Variants in ALK observed in about 807,000 individuals in gnomAD.
ALK encodes the protein ALK tyrosine kinase receptor.
In ALK, 74 loss-of-function variants were observed where a neutral mutation model predicts 163.1. That is an observed-to-expected ratio of 0.45 (90% CI 0.38 to 0.55). ALK has a LOEUF of 0.55. Among genes scored for constraint, ALK ranks in the 20% least tolerant of loss-of-function variants. The pLI is 0.00. For missense variants in ALK, 2,063 were observed against 2,105.3 expected, an observed-to-expected ratio of 0.98 and a Z score of 0.39; for synonymous variants, 960 against 843.2, an observed-to-expected ratio of 1.14 and a Z score of -2.40.
intron 1 of ALK, among the ~76,000 whole-genome samples, chr2:29,877,556 T>C (rs1166131548): frequency 6.6e-6 from 1 of 152,206 alleles, no homozygotes; most frequent in African/African-American, 2.4e-5. Flanking sequence ...GCCTATCACA[T>C]AGTAGGTATT....
intron 5 of ALK, among the ~76,000 whole-genome samples, chr2:29,357,265 G>C (rs951625222): frequency 2.0e-5 from 3 of 152,180 alleles, no homozygotes; most frequent in Admixed American, 2.0e-4. Flanking sequence ...TGACAATGCA[G>C]ACACTAGTTA....
At chr2:29,443,701 C>G (rs965014617) in intron 4 of ALK, among the ~76,000 whole-genome samples, 2 of 152,148 alleles carry the variant, frequency 1.3e-5, no homozygotes, top group African/African-American at 4.8e-5. Context: ...GCTCACTCAC[C>G]CTTTCACAGG....
intron 3 of ALK, among the ~76,000 whole-genome samples, chr2:29,677,879 T>A (rs1677932529): frequency 1.3e-5 from 2 of 152,098 alleles, no homozygotes; most frequent in African/African-American, 4.8e-5. Context: ...TCTGCAAGTA[T>A]TTGGTAGAAT....
intron 4 of ALK, among the ~76,000 whole-genome samples, chr2:29,488,658 T>C (rs1671834350): frequency 6.6e-6 from 1 of 152,180 alleles, no homozygotes; most frequent in African/African-American, 2.4e-5. Context: ...ATGATCTTCA[T>C]CTCTTATTTA....
At chr2:29,275,329 G>C in intron 10 of ALK, 73 bp downstream of exon 10, 1 of 1,608,528 alleles carries the variant, frequency 6.2e-7, no homozygotes, top group Non-Finnish European at 8.5e-7. Context: ...TCAGGCTTAG[G>C]CTGAGGAGGG....
chr2:29,512,106 G>C (rs1672537269), intron 4 of ALK, among the ~76,000 whole-genome samples: 1 of 151,986 alleles, frequency 6.6e-6, no homozygotes, highest in Admixed American at 6.6e-5. Flanking sequence ...TATGCTTTTT[G>C]TATGCTATCT....
rs755771843 is a variant in ALK, at chr2:29,209,757, C to T, written c.3836+29G>A. ...GAGGGGCTGAGGTGGAAGAGACAGG[C>T]CCGGAGGGGTGAGGCAGTCTTTACT... On this transcript the variant is annotated intron_variant, in intron 25 of 28. Transcript: ENST00000389048. 23 of 1,563,498 alleles carry T rather than the reference C, an allele frequency of 1.5e-5. No individual in the cohort carries two copies. In the South Asian group the frequency reaches 2.4e-4, roughly 17 times the overall value.
At chr2:29,851,406 C>A (rs7594627) in intron 1 of ALK, among the ~76,000 whole-genome samples, 41,033 of 152,102 alleles carry the variant, frequency 0.27, 6,301 homozygotes, top group East Asian at 0.53. Context: ...CTGTCTCTTG[C>A]GCCAAGACCT....
chr2:29,880,936 G>C (rs1019799928), intron 1 of ALK, among the ~76,000 whole-genome samples: 14 of 152,282 alleles, frequency 9.2e-5, no homozygotes, highest in African/African-American at 3.4e-4. Context: ...TTTCCTTCCA[G>C]AGTTAACTTT....
chr2:29,676,936 G>C (rs930336525), intron 3 of ALK, among the ~76,000 whole-genome samples: 13 of 151,848 alleles, frequency 8.6e-5, no homozygotes, highest in Non-Finnish European at 1.6e-4. Flanking sequence ...GGAAATTGTT[G>C]TTAGAACATA....
At chr2:29,887,105 T>A (rs577215911) in intron 1 of ALK, among the ~76,000 whole-genome samples, 121 of 152,328 alleles carry the variant, frequency 7.9e-4, no homozygotes, top group Admixed American at 1.4e-3. Context: ...CCCCAAAATT[T>A]AGTGGTTTAA....
At chr2:29,766,337 T>G (rs4666270) in intron 1 of ALK, among the ~76,000 whole-genome samples, 29,206 of 152,090 alleles carry the variant, frequency 0.19, 3,055 homozygotes, top group East Asian at 0.38. Flanking sequence ...CTTAGGATCT[T>G]CCAGTCCTAC....
intron 9 of ALK, among the ~76,000 whole-genome samples, chr2:29,296,512 G>T (rs1457184837): frequency 1.3e-5 from 2 of 152,234 alleles, no homozygotes; most frequent in African/African-American, 4.8e-5. Flanking sequence ...AGTGGGGAAA[G>T]TAAGGCAAAG....
intron 3 of ALK, among the ~76,000 whole-genome samples, chr2:29,689,763 A>T (rs1319701559): frequency 1.3e-5 from 2 of 152,242 alleles, no homozygotes; most frequent in Admixed American, 6.5e-5. Context: ...GAATGAGATC[A>T]TGCTGGACTT....
chr2:29,813,058 G>A (rs1241293823), intron 1 of ALK, among the ~76,000 whole-genome samples: 2 of 152,196 alleles, frequency 1.3e-5, no homozygotes, highest in Non-Finnish European at 2.9e-5. Context: ...GCTCCATTAA[G>A]AGATAAACTT....
At chr2:29,563,099 G>C (rs1674074050) in intron 3 of ALK, among the ~76,000 whole-genome samples, 1 of 152,352 alleles carries the variant, frequency 6.6e-6, no homozygotes, top group African/African-American at 2.4e-5. Context: ...GCAGAGCCCA[G>C]ACTGTGGTAG....
intron 5 of ALK, among the ~76,000 whole-genome samples, chr2:29,380,025 T>C (rs1342859363): frequency 6.6e-6 from 1 of 151,366 alleles, no homozygotes; most frequent in Non-Finnish European, 1.5e-5. Flanking sequence ...CTTGCAATCA[T>C]GGTAGAAGGC....
chr2:29,471,064 T>G (rs1206507689), intron 4 of ALK, among the ~76,000 whole-genome samples: 1 of 152,154 alleles, frequency 6.6e-6, no homozygotes, highest in Non-Finnish European at 1.5e-5. Flanking sequence ...AACTATATTT[T>G]AATGGAATAC....
rs35337085 is a variant in ALK, at chr2:29,359,103, T to TAA, written c.1282+24627_1282+24628dup. Among the ~76,000 whole-genome samples, 658 of 148,922 alleles carry TAA rather than the reference T, an allele frequency of 4.4e-3. 4 individuals are homozygous for TAA. The highest frequency in any genetic ancestry group is 0.021 in the Middle Eastern group (6 of 284). ...TGTGAAGTGTTCTTGCTATGGTAAT[T>TAA]AAAAAAAAAAACTAAAAAAGAGAAT... On this transcript the variant is annotated intron_variant, in intron 5 of 28. Transcript: ENST00000389048.
Sources: gnomAD v4.1 joint callset for allele counts (sites outside exome capture counted in the v4.1 genomes callset) on GRCh38, gnomAD v4.1.1 for gene constraint, MANE v1.5 for transcripts, NCBI Gene and HGNC (gene_info 2026-07-23, HGNC 2026-07-21) for gene names.